KCNMA1: variants seen among roughly 807,000 people sequenced by gnomAD.
KCNMA1 encodes Calcium-activated potassium channel subunit alpha-1.
KCNMA1 carries 29 observed loss-of-function variants against 140.0 expected under a neutral mutation model. The ratio of observed to expected loss-of-function variants is 0.21; its 90% CI spans 0.15 to 0.28. The LOEUF is 0.28. Among genes scored for constraint, KCNMA1 ranks in the 10% least tolerant of loss-of-function variants. The pLI is 1.00. For synonymous variants in KCNMA1, 612 were observed against 611.9 expected (o/e 1.00, Z 0.00); for missense variants, 880 against 1,602.2 (o/e 0.55, Z 7.70).
At chr10:77,018,295 C>T (rs1307173094) in intron 17 of KCNMA1, among the ~76,000 whole-genome samples, 1 of 152,168 alleles carries the variant, frequency 6.6e-6, no homozygotes, top group Non-Finnish European at 1.5e-5. Flanking sequence ...TACTGTTGAG[C>T]TGAATGACCT....
intron 2 of KCNMA1, among the ~76,000 whole-genome samples, chr10:77,355,958 G>A (rs1034053744): frequency 2.0e-5 from 3 of 152,092 alleles, no homozygotes; most frequent in Non-Finnish European, 4.4e-5. Context: ...CAATATCCAC[G>A]TGGGAAACTC....
At chr10:77,614,997 T>C (rs2670149) in intron 1 of KCNMA1, among the ~76,000 whole-genome samples, 42,744 of 152,112 alleles carry the variant, frequency 0.28, 6,955 homozygotes, top group African/African-American at 0.44. Flanking sequence ...TGAAGGAACT[T>C]GGTGTACAGA....
intron 2 of KCNMA1, among the ~76,000 whole-genome samples, chr10:77,324,008 T>A (rs538598552): frequency 7.9e-5 from 12 of 152,298 alleles, no homozygotes; most frequent in African/African-American, 2.6e-4. Flanking sequence ...CAGATCTAAT[T>A]TGGGAAAAAG....
At chr10:77,502,889 C>T (rs375235460) in intron 1 of KCNMA1, among the ~76,000 whole-genome samples, 19 of 152,312 alleles carry the variant, frequency 1.2e-4, no homozygotes, top group Admixed American at 2.0e-4. Flanking sequence ...ATAATGACAA[C>T]GATAGTGATG....
chr10:77,156,795 C>A (rs1042168826), intron 5 of KCNMA1, among the ~76,000 whole-genome samples: 2 of 152,280 alleles, frequency 1.3e-5, no homozygotes, highest in Admixed American at 6.5e-5. Context: ...ACTGACCCCA[C>A]CTGGACCCAA....
chr10:76,999,330 G>T (rs1388506086), intron 19 of KCNMA1, among the ~76,000 whole-genome samples: 1 of 152,230 alleles, frequency 6.6e-6, no homozygotes, highest in East Asian at 1.9e-4. Flanking sequence ...TGACCAAGGG[G>T]CCCTAGCTCA....
chr10:77,391,269 C>A (rs1221641282), intron 2 of KCNMA1, among the ~76,000 whole-genome samples: 1 of 152,132 alleles, frequency 6.6e-6, no homozygotes, highest in Admixed American at 6.5e-5. Flanking sequence ...CCCCTTGATG[C>A]CCCAGGGAAG....
At chr10:76,990,823 T>C (rs907506567) in intron 19 of KCNMA1, among the ~76,000 whole-genome samples, 2 of 152,180 alleles carry the variant, frequency 1.3e-5, no homozygotes, top group African/African-American at 2.4e-5. Flanking sequence ...GCAGAGAGCA[T>C]TTCAGAACCA....
At chr10:77,134,720 G>C (rs2616647) in intron 5 of KCNMA1, among the ~76,000 whole-genome samples, 3 of 151,888 alleles carry the variant, frequency 2.0e-5, no homozygotes, top group East Asian at 1.9e-4. Flanking sequence ...GAAGAGAGGC[G>C]GGGCGCAGTG....
At chr10:77,519,039 G>A (rs2051747845) in intron 1 of KCNMA1, among the ~76,000 whole-genome samples, 1 of 152,230 alleles carries the variant, frequency 6.6e-6, no homozygotes, top group South Asian at 2.1e-4. Flanking sequence ...CTTCCATATA[G>A]TGTTACCAGA....
intron 1 of KCNMA1, among the ~76,000 whole-genome samples, chr10:77,616,478 G>A (rs1054888512): frequency 1.3e-5 from 2 of 152,218 alleles, no homozygotes; most frequent in African/African-American, 2.4e-5. Flanking sequence ...GGCAGCAGGA[G>A]GATAATGTGG....
intron 2 of KCNMA1, among the ~76,000 whole-genome samples, chr10:77,367,571 C>T (rs888991100): frequency 1.3e-5 from 2 of 152,154 alleles, no homozygotes; most frequent in African/African-American, 4.8e-5. Context: ...AATTACTATA[C>T]AGTAAATTTA....
At chr10:77,496,847 C>T (rs2042142981) in intron 1 of KCNMA1, among the ~76,000 whole-genome samples, 1 of 152,164 alleles carries the variant, frequency 6.6e-6, no homozygotes, top group East Asian at 1.9e-4. Context: ...TGGCTGTCTT[C>T]ACCTGGTGTC....
intron 3 of KCNMA1, among the ~76,000 whole-genome samples, chr10:77,205,075 C>A (rs2043643616): frequency 6.6e-6 from 1 of 152,308 alleles, no homozygotes; most frequent in East Asian, 1.9e-4. Context: ...TCCCTTGGTG[C>A]CCTGAGATAG....
intron 4 of KCNMA1, among the ~76,000 whole-genome samples, chr10:77,184,525 A>G (rs891860785): frequency 2.0e-5 from 3 of 152,180 alleles, no homozygotes; most frequent in Admixed American, 6.6e-5. Flanking sequence ...GCCTATTTCT[A>G]TTTAATTTTT....
intron 15 of KCNMA1, among the ~76,000 whole-genome samples, chr10:77,029,463 T>C (rs764293107): frequency 2.0e-5 from 3 of 152,202 alleles, no homozygotes; most frequent in Non-Finnish European, 4.4e-5. Context: ...AGAAAGTCCA[T>C]GTAACATGCC....
At chr10:77,321,154 A>T (rs1339507196) in intron 2 of KCNMA1, among the ~76,000 whole-genome samples, 1 of 152,250 alleles carries the variant, frequency 6.6e-6, no homozygotes, top group African/African-American at 2.4e-5. Flanking sequence ...TAGTGTAAAG[A>T]TATGCATTAC....
intron 3 of KCNMA1, among the ~76,000 whole-genome samples, chr10:77,245,841 T>C (rs2058433141): frequency 6.6e-6 from 1 of 152,126 alleles, no homozygotes; most frequent in South Asian, 2.1e-4. Flanking sequence ...CTCCTTGTTT[T>C]TTGTTCATTT....
At chr10:77,271,922 A>G (rs2065260751) in intron 2 of KCNMA1, among the ~76,000 whole-genome samples, 1 of 152,182 alleles carries the variant, frequency 6.6e-6, no homozygotes, top group African/African-American at 2.4e-5. Context: ...CTGACCCTCC[A>G]AGGTGAGGAC....
Sources: gnomAD v4.1 joint callset for allele counts (sites outside exome capture counted in the v4.1 genomes callset) on GRCh38, gnomAD v4.1.1 for gene constraint, MANE v1.5 for transcripts, NCBI Gene and HGNC (gene_info 2026-07-23, HGNC 2026-07-21) for gene names.